CSRNP3: variants seen among roughly 807,000 people sequenced by gnomAD.
CSRNP3 encodes the protein cysteine and serine rich nuclear protein 3.
A neutral mutation model predicts 48.0 loss-of-function variants in CSRNP3; 12 were observed. The observed-to-expected ratio is 0.25, with a 90% confidence interval of 0.16 to 0.41. CSRNP3 has a LOEUF of 0.41. CSRNP3 is among the 10% of genes least tolerant of loss of function. CSRNP3 has a pLI of 1.00. For synonymous variants in CSRNP3, 263 were observed against 269.7 expected, an observed-to-expected ratio of 0.98 and a Z score of 0.24; for missense variants, 580 against 724.4, an observed-to-expected ratio of 0.80 and a Z score of 2.29.
At chr2:165,590,692 GT>G (rs1558943098) in intron 3 of CSRNP3, among the ~76,000 whole-genome samples, 1 of 152,094 alleles carries the variant, frequency 6.6e-6, no homozygotes, top group South Asian at 2.1e-4. Context: ...TTTATAAGGG[GT>G]TTTCCCCCTC....
intron 4 of CSRNP3, among the ~76,000 whole-genome samples, chr2:165,652,881 G>A (rs1260307948): frequency 6.6e-6 from 1 of 152,168 alleles, no homozygotes; most frequent in Non-Finnish European, 1.5e-5. Flanking sequence ...CTCACGAAAG[G>A]CACATTCTCC....
chr2:165,600,447 C>T (rs939350263), intron 4 of CSRNP3, among the ~76,000 whole-genome samples: 9 of 152,090 alleles, frequency 5.9e-5, no homozygotes, highest in African/African-American at 2.2e-4. Flanking sequence ...GGGTACATAC[C>T]CAGTAATGAG....
chr2:165,623,892 G>A (rs540626550), intron 4 of CSRNP3, among the ~76,000 whole-genome samples: 7 of 152,098 alleles, frequency 4.6e-5, no homozygotes, highest in Non-Finnish European at 8.8e-5. Flanking sequence ...TGCAAGGGAG[G>A]CAACTGTTGC....
intron 3 of CSRNP3, among the ~76,000 whole-genome samples, chr2:165,554,432 T>C (rs1050051312): frequency 3.9e-5 from 6 of 152,186 alleles, no homozygotes; most frequent in African/African-American, 1.4e-4. Context: ...ACATCTCCAC[T>C]TGAGTAATAG....
intron 3 of CSRNP3, among the ~76,000 whole-genome samples, chr2:165,544,668 G>T (rs1291981411): frequency 6.6e-6 from 1 of 152,098 alleles, no homozygotes; most frequent in Non-Finnish European, 1.5e-5. Context: ...TGCTAGAAAA[G>T]GGTGGAAAAT....
chr2:165,570,290 A>G (rs1343996971), intron 3 of CSRNP3, among the ~76,000 whole-genome samples: 1 of 152,024 alleles, frequency 6.6e-6, no homozygotes, highest in African/African-American at 2.4e-5. Flanking sequence ...ACATGAATAA[A>G]TTGTCAGCTT....
intron 2 of CSRNP3, among the ~76,000 whole-genome samples, chr2:165,508,696 C>A (rs529959699): frequency 6.6e-6 from 1 of 152,088 alleles, no homozygotes; most frequent in African/African-American, 2.4e-5. Flanking sequence ...CAGATCATAT[C>A]TATACATTTT....
chr2:165,545,429 C>T (rs6746619), intron 3 of CSRNP3, among the ~76,000 whole-genome samples: 2,480 of 152,032 alleles, frequency 0.016, 55 homozygotes, highest in African/African-American at 0.043. Context: ...CCAGTGTCCC[C>T]GAGCAGGCAA....
At chr2:165,521,221 G>C (rs1009256436) in intron 3 of CSRNP3, among the ~76,000 whole-genome samples, 1 of 151,666 alleles carries the variant, frequency 6.6e-6, no homozygotes, top group Non-Finnish European at 1.5e-5. Flanking sequence ...GCTGGTTGAA[G>C]GTTATGGGGG....
intron 5 of CSRNP3, among the ~76,000 whole-genome samples, chr2:165,671,519 T>C (rs1687330547): frequency 6.6e-6 from 1 of 152,188 alleles, no homozygotes; most frequent in African/African-American, 2.4e-5. Flanking sequence ...TAGCCATGGC[T>C]GGAGCAGCTG....
intron 3 of CSRNP3, among the ~76,000 whole-genome samples, chr2:165,558,520 A>G (rs1322368687): frequency 1.3e-5 from 2 of 152,112 alleles, no homozygotes; most frequent in African/African-American, 4.8e-5. Context: ...CCATTTAAAA[A>G]CCATTTGTAG....
At chr2:165,592,553 A>G (rs187209708) in intron 3 of CSRNP3, among the ~76,000 whole-genome samples, 64 of 152,140 alleles carry the variant, frequency 4.2e-4, no homozygotes, top group Non-Finnish European at 1.6e-4. Flanking sequence ...CATAATCCCC[A>G]CATGACATGG....
intron 4 of CSRNP3, among the ~76,000 whole-genome samples, chr2:165,595,541 A>G (rs79617341): frequency 1.3e-5 from 2 of 152,216 alleles, no homozygotes; most frequent in African/African-American, 4.8e-5. Context: ...TCAAAAAAAA[A>G]GTATCCTTTC....
chr2:165,592,894 C>T (rs889601372), intron 3 of CSRNP3, among the ~76,000 whole-genome samples: 254 of 149,586 alleles, frequency 1.7e-3, no homozygotes, highest in African/African-American at 5.6e-3. Context: ...CTCCACCTCC[C>T]GGGTTCACGC....
intron 1 of CSRNP3, among the ~76,000 whole-genome samples, chr2:165,474,719 A>G (rs1286528115): frequency 6.6e-6 from 1 of 152,218 alleles, no homozygotes; most frequent in Non-Finnish European, 1.5e-5. Context: ...ATGAAAGAAA[A>G]GCAGAACTTA....
At chr2:165,593,165 CTA>C (rs1685750668) in intron 3 of CSRNP3, among the ~76,000 whole-genome samples, 1 of 152,172 alleles carries the variant, frequency 6.6e-6, no homozygotes, top group Admixed American at 6.5e-5. Flanking sequence ...TGAGAACAGA[CTA>C]ATAAAATTCC....
At chr2:165,489,236 G>A (rs1415905975) in intron 1 of CSRNP3, among the ~76,000 whole-genome samples, 1 of 151,356 alleles carries the variant, frequency 6.6e-6, no homozygotes, top group Non-Finnish European at 1.5e-5. Flanking sequence ...ACCCTCCCAA[G>A]ACTAAACCAG....
chr2:165,625,806 A>T (rs2105322113), intron 4 of CSRNP3, among the ~76,000 whole-genome samples: 1 of 147,744 alleles, frequency 6.8e-6, no homozygotes, highest in South Asian at 2.1e-4. Context: ...AGAGGCGGGC[A>T]CCTATAATCC....
intron 1 of CSRNP3, among the ~76,000 whole-genome samples, chr2:165,470,663 T>A (rs1683881887): frequency 6.6e-6 from 1 of 151,960 alleles, no homozygotes; most frequent in Non-Finnish European, 1.5e-5. Context: ...GTTCTAAGTA[T>A]GTAGAATAAA....
Sources: gnomAD v4.1 joint callset for allele counts (sites outside exome capture counted in the v4.1 genomes callset) on GRCh38, gnomAD v4.1.1 for gene constraint, MANE v1.5 for transcripts, NCBI Gene and HGNC (gene_info 2026-07-23, HGNC 2026-07-21) for gene names.